The following ASB5 variants were observed in gnomAD, a reference collection of about 807,000 sequenced individuals.
The protein encoded by ASB5 is ankyrin repeat and SOCS box protein 5.
Under a neutral mutation model 42.1 loss-of-function variants are expected in ASB5, and 45 were observed. That is an observed-to-expected ratio of 1.07 (90% CI 0.84 to 1.37). The LOEUF (loss-of-function observed/expected upper bound fraction) is 1.37. ASB5 is among the 40% of genes most tolerant of loss of function. The pLI is 0.00. For missense variants in ASB5, 402 were observed against 399.8 expected (o/e 1.01, Z -0.05); for synonymous variants, 147 against 150.6 (o/e 0.98, Z 0.18).
Position 176,225,315 on chromosome 4 carries a change from G to A in ASB5, c.223C>T (p.His75Tyr), listed in dbSNP as rs760611722. The change falls in exon 2 of 7, where the codon CAT (histidine) becomes TAT (tyrosine). Residue 75 changes from histidine (H) to tyrosine (Y), a missense_variant. Coordinates refer to ENST00000296525, the MANE Select transcript of ASB5 (RefSeq NM_080874.4). ...QGSWADRSPLHEAASQGRLLA... is the reference protein window; with the variant it reads ...QGSWADRSPLYEAASQGRLLA... ...AGGCGACCTTGACTTGCTGCTTCATGTAGTGGTGATCGATCTGCCCAGGAA... is the reference window on the plus strand; with the variant it reads ...AGGCGACCTTGACTTGCTGCTTCATATAGTGGTGATCGATCTGCCCAGGAA... 2 of 1,614,064 alleles carry A rather than the reference G, an allele frequency of 1.2e-6. No homozygotes were observed. The highest frequency in any genetic ancestry group is 2.2e-5 in the South Asian group (2 of 91,072).
chr4:176,235,273 A>G (rs926453437), intron 1 of ASB5, among the ~76,000 whole-genome samples: 21 of 152,356 alleles, frequency 1.4e-4, no homozygotes, highest in African/African-American at 5.0e-4. Flanking sequence ...TACCTTATTG[A>G]TTATAAAAGT....
At chr4:176,216,666 TA>T in intron 6 of ASB5, 151 bp downstream of exon 6, 1 of 725,730 alleles carries the variant, frequency 1.4e-6, no homozygotes, top group Middle Eastern at 4.1e-4. Context: ...TCTTTATAGA[TA>T]AAACCTAAGT....
At chr4:176,219,963 G>GGAA (rs949681180) in intron 5 of ASB5, among the ~76,000 whole-genome samples, 2 of 152,024 alleles carry the variant, frequency 1.3e-5, no homozygotes, top group African/African-American at 4.8e-5. Flanking sequence ...TGGCCACACT[G>GGAA]GAAGAAGAAG....
intron 6 of ASB5, among the ~76,000 whole-genome samples, chr4:176,216,075 G>A (rs1752961314): frequency 6.6e-6 from 1 of 151,920 alleles, no homozygotes; most frequent in Admixed American, 6.6e-5. Flanking sequence ...TTAAAATTAA[G>A]TTTAATATTT....
At position 176,275,368 on chromosome 4, in the gene ASB5, T is replaced by G. The variant is rs139988524; in HGVS notation, c.-90+428A>C. Among the ~76,000 whole-genome samples, 740 of 152,304 alleles carry G rather than the reference T, an allele frequency of 4.9e-3. 3 individuals carry two copies. The highest frequency in any genetic ancestry group is 0.016 in the African/African-American group (663 of 41,566). ...CCTGTTTAGGATTCTAAGATTATAGTTTCTTTAACAACATAAGTACTGCCT... is the reference window on the plus strand; with the variant it reads ...CCTGTTTAGGATTCTAAGATTATAGGTTCTTTAACAACATAAGTACTGCCT... On this transcript the variant is annotated intron_variant, in intron 2 of 2. Transcript: ENST00000505299.
chr4:176,257,671 C>G (rs959765393), intron 1 of ASB5, among the ~76,000 whole-genome samples: 1 of 152,298 alleles, frequency 6.6e-6, no homozygotes, highest in East Asian at 1.9e-4. Flanking sequence ...TCTCCAATAT[C>G]TTTCCTTTTA....
At chr4:176,271,576 A>G (rs1754469539), upstream of ASB5, among the ~76,000 whole-genome samples, 1 of 152,134 alleles carries the variant, frequency 6.6e-6, no homozygotes, top group Non-Finnish European at 1.5e-5. Context: ...GCTTCGATCA[A>G]TCAGTCAAAC....
At position 176,268,480 on chromosome 4, in the gene ASB5, A is replaced by G. The variant is rs559622731; in HGVS notation, c.196+433T>C. ...TTGAAATCCCCTCTTTTTAATAACA[A>G]TTATTTTACACATAACTAAAGATTT... is the stretch of plus-strand genomic sequence containing the variant. On this transcript the variant is annotated intron_variant, in intron 1 of 6. Transcript: ENST00000296525. Among the ~76,000 whole-genome samples, 20 of 152,266 alleles carry G rather than the reference A, an allele frequency of 1.3e-4. 1 individual carries two copies. In the South Asian group the frequency reaches 4.1e-3, roughly 32 times the overall value.
upstream of ASB5, chr4:176,269,293 A>G (rs1754426313): frequency 2.4e-6 from 1 of 419,696 alleles, no homozygotes; most frequent in Admixed American, 4.3e-5. Flanking sequence ...TGGTCTGAAA[A>G]TATTCCATGG....
intron 5 of ASB5, 68 bp downstream of exon 5, chr4:176,221,087 C>G: frequency 7.0e-7 from 1 of 1,435,154 alleles, no homozygotes; most frequent in Non-Finnish European, 9.2e-7. Context: ...TTTAAAGATG[C>G]TCATTTAGAG....
chr4:176,237,362 CT>C lies in ASB5; in HGVS notation c.197-12022del, dbSNP rs897179401. The C allele has an allele frequency of 3.0e-6, 3 of 985,668 alleles. No individual in the cohort carries two copies. The African/African-American group carries it at 5.2e-5, about 17-fold the overall frequency. 61.1% of individuals were successfully genotyped at this position (985,668 alleles called of 1,614,324 possible). Reference sequence around the variant, plus strand: ...ACATTCCTCTATACTCACTAGCCTTCTTTTCGTGAGGACCTGCTTAATGCAG... The same window carrying C: ...ACATTCCTCTATACTCACTAGCCTTCTTTCGTGAGGACCTGCTTAATGCAG... On this transcript the variant is annotated intron_variant, in intron 1 of 6. Transcript: ENST00000296525.
chr4:176,242,772 A>G (rs1753836020), intron 1 of ASB5, among the ~76,000 whole-genome samples: 1 of 152,128 alleles, frequency 6.6e-6, no homozygotes, highest in Non-Finnish European at 1.5e-5. Flanking sequence ...GTGGAAAGTG[A>G]GTGTTTTATT....
chr4:176,243,488 G>GT (rs1478837447), intron 1 of ASB5, among the ~76,000 whole-genome samples: 1 of 151,686 alleles, frequency 6.6e-6, no homozygotes, highest in Non-Finnish European at 1.5e-5. Flanking sequence ...CATCTAGTAG[G>GT]TTTTTTCCTT....
intron 5 of ASB5, among the ~76,000 whole-genome samples, chr4:176,218,045 A>G (rs953423845): frequency 1.5e-4 from 23 of 150,400 alleles, no homozygotes; most frequent in Non-Finnish European, 5.9e-5. Context: ...GAAAGCATAA[A>G]CTTTGTTGGT....
At chr4:176,255,840 C>A (rs577139374) in intron 1 of ASB5, among the ~76,000 whole-genome samples, 35 of 152,178 alleles carry the variant, frequency 2.3e-4, no homozygotes. Flanking sequence ...AAACCTGTAT[C>A]CCCTGAATCT....
intron 1 of ASB5, among the ~76,000 whole-genome samples, chr4:176,251,564 TAAA>T (rs34392287): frequency 1.9e-4 from 2 of 10,374 alleles, no homozygotes; most frequent in African/African-American, 7.9e-4. Flanking sequence ...TCTGTCTCAT[TAAA>T]AAAAAAAAAA....
chr4:176,244,902 G>A (rs1753879581), intron 1 of ASB5, among the ~76,000 whole-genome samples: 2 of 152,066 alleles, frequency 1.3e-5, no homozygotes, highest in African/African-American at 4.8e-5. Flanking sequence ...GTTCAAGGCT[G>A]CAGTGAGCTA....
In ASB5 at chr4:176,221,198, A is replaced by G. The variant is rs1193511403; in HGVS notation, c.627T>C (p.Cys209=). The change falls in exon 5 of 7, where the codon TGT becomes TGC. Residue 209 remains cysteine (C), a synonymous_variant. Coordinates refer to ENST00000296525, the MANE Select transcript of ASB5 (RefSeq NM_080874.4). ...AGATGCAATGGAATTGCTGTGACAT[A>G]CAAGCTACATAGAGAGGAGTTCCCA... ...PHLGTPLYVA[C]MSQQFHCIWK... 5 of 1,614,000 alleles carry G rather than the reference A, an allele frequency of 3.1e-6. No individual in the cohort carries two copies. The African/African-American group carries it at 6.7e-5, about 22-fold the overall frequency.
Position 176,218,201 on chromosome 4 carries a change from A to AAT in ASB5, c.671-1194_671-1193dup, listed in dbSNP as rs1221416415. ...AATATATATATTTGTATGATATATA[A>AAT]ATATATATATTTGTATGATATAAAT... On this transcript the variant is annotated intron_variant, in intron 5 of 6. Transcript: ENST00000296525. 5.8e-4 allele frequency among the ~76,000 whole-genome samples: 42 copies of AAT among 72,334 alleles called. 5 individuals are homozygous for AAT. The highest frequency in any genetic ancestry group is 8.3e-4 in the African/African-American group (16 of 19,232). 47.5% of individuals were successfully genotyped at this position (72,334 alleles called of 152,430 possible). A position where few individuals can be genotyped will look rare whatever the true frequency, so the allele number is the denominator to read the frequency against.
Sources: gnomAD v4.1 joint callset for allele counts (sites outside exome capture counted in the v4.1 genomes callset) on GRCh38, gnomAD v4.1.1 for gene constraint, MANE v1.5 for transcripts, NCBI Gene and HGNC (gene_info 2026-07-23, HGNC 2026-07-21) for gene names.